PCDH15: variants seen among roughly 807,000 people sequenced by gnomAD.
PCDH15 encodes protocadherin related 15.
Under a neutral mutation model 178.5 loss-of-function variants are expected in PCDH15, and 129 were observed. The observed-to-expected ratio is 0.72, with a 90% confidence interval of 0.63 to 0.84. The LOEUF is 0.84. Ranked by LOEUF, PCDH15 falls within the 40% of genes least tolerant of loss-of-function variation. PCDH15 has a pLI of 0.00. For synonymous variants in PCDH15, 800 were observed against 732.0 expected (o/e 1.09, Z -1.50); for missense variants, 2,230 against 2,099.9 (o/e 1.06, Z -1.21).
At chr10:53,959,893 G>T in intron 22 of PCDH15, 49 bp from the exon 23 acceptor site, 1 of 1,331,088 alleles carries the variant, frequency 7.5e-7, no homozygotes, top group Non-Finnish European at 1.1e-6. Flanking sequence ...TAAGAACAGC[G>T]TAACAGCACA....
In PCDH15 at chr10:53,902,392, A is replaced by G. The variant is rs138693449; in HGVS notation, c.3501+851T>C. Among the ~76,000 whole-genome samples, 17 of 152,214 alleles carry G rather than the reference A, an allele frequency of 1.1e-4. No homozygotes were observed. In the East Asian group the frequency reaches 3.1e-3, roughly 28 times the overall value. ...AAAAGAAAGGCAATTACTCATGTGCAAAACTAGAAGCAATCAAAAGCTAGA... is the reference window on the plus strand; with the variant it reads ...AAAAGAAAGGCAATTACTCATGTGCGAAACTAGAAGCAATCAAAAGCTAGA... On this transcript the variant is annotated intron_variant, in intron 26 of 37. Transcript: ENST00000644397.
intron 2 of PCDH15, among the ~76,000 whole-genome samples, chr10:55,438,173 A>C (rs945533073): frequency 4.9e-4 from 70 of 143,750 alleles, no homozygotes; most frequent in African/African-American, 1.9e-3. Flanking sequence ...TTAAGAAAAA[A>C]ACAAAACAAA....
At chr10:54,932,543 T>C (rs2131854531) in intron 2 of PCDH15, among the ~76,000 whole-genome samples, 1 of 152,304 alleles carries the variant, frequency 6.6e-6, no homozygotes, top group South Asian at 2.1e-4. Flanking sequence ...TAGTGTCACC[T>C]AAGTTTATCA....
intron 13 of PCDH15, among the ~76,000 whole-genome samples, chr10:54,177,546 TG>T (rs1303186697): frequency 6.6e-6 from 1 of 151,894 alleles, no homozygotes; most frequent in Non-Finnish European, 1.5e-5. Context: ...GGGAAATCAC[TG>T]TATCTTCCTC....
intron 3 of PCDH15, among the ~76,000 whole-genome samples, chr10:54,829,740 T>A (rs1953191602): frequency 6.6e-6 from 1 of 152,094 alleles, no homozygotes; most frequent in Non-Finnish European, 1.5e-5. Context: ...ATGGACCACC[T>A]GGACAGTTGT....
At chr10:53,879,049 C>T (rs1254579308) in intron 26 of PCDH15, among the ~76,000 whole-genome samples, 1 of 152,096 alleles carries the variant, frequency 6.6e-6, no homozygotes, top group African/African-American at 2.4e-5. Context: ...GCATTTACTA[C>T]TGAGATCTTT....
At chr10:54,443,421 T>C (rs994359016) in intron 3 of PCDH15, among the ~76,000 whole-genome samples, 1 of 151,408 alleles carries the variant, frequency 6.6e-6, no homozygotes, top group Non-Finnish European at 1.5e-5. Flanking sequence ...TTAATAAACA[T>C]CTATGTGCCA....
chr10:53,890,405 C>T lies in PCDH15; in HGVS notation c.3501+12838G>A, dbSNP rs185376056. 2.5e-3 allele frequency among the ~76,000 whole-genome samples: 386 copies of T among 152,050 alleles called. 1 individual carries two copies. The highest frequency in any genetic ancestry group is 8.0e-3 in the African/African-American group (333 of 41,486). On this transcript the variant is annotated intron_variant, in intron 26 of 37. Transcript: ENST00000644397. ...GGTGCCACTGCATGTCCAGCCTGGG[C>T]GACAGAGTGAGACACTGTCTCAAAA...
At chr10:54,602,767 T>C (rs1217414637) in intron 2 of PCDH15, among the ~76,000 whole-genome samples, 4 of 152,158 alleles carry the variant, frequency 2.6e-5, no homozygotes, top group East Asian at 3.9e-4. Context: ...GTGTATCACA[T>C]TGAATGACTT....
intron 3 of PCDH15, among the ~76,000 whole-genome samples, chr10:54,512,796 T>C (rs552101364): frequency 6.6e-6 from 1 of 152,248 alleles, no homozygotes; most frequent in South Asian, 2.1e-4. Context: ...AATATTATAT[T>C]CTGTCTAATT....
At chr10:55,036,734 ATG>A (rs988292190) in intron 2 of PCDH15, among the ~76,000 whole-genome samples, 1 of 152,210 alleles carries the variant, frequency 6.6e-6, no homozygotes, top group African/African-American at 2.4e-5. Flanking sequence ...CTAGCTTTCT[ATG>A]TGTTTCTCAA....
At chr10:54,979,668 C>CA (rs57794335) in intron 2 of PCDH15, among the ~76,000 whole-genome samples, 24,337 of 108,144 alleles carry the variant, frequency 0.23, 2,681 homozygotes, top group East Asian at 0.43. Context: ...GACTGTGTCT[C>CA]AAAAAAAAAA....
chr10:54,968,310 T>C (rs1436737223), intron 2 of PCDH15, among the ~76,000 whole-genome samples: 1 of 152,178 alleles, frequency 6.6e-6, no homozygotes, highest in Non-Finnish European at 1.5e-5. Flanking sequence ...TTCCCTGCAG[T>C]TCTAACAGAT....
chr10:55,019,710 T>C (rs1840275603), intron 2 of PCDH15, among the ~76,000 whole-genome samples: 1 of 152,194 alleles, frequency 6.6e-6, no homozygotes, highest in African/African-American at 2.4e-5. Flanking sequence ...AATTTGTCAG[T>C]CTGAAAGTAG....
At chr10:54,830,594 G>T (rs184970602) in intron 3 of PCDH15, among the ~76,000 whole-genome samples, 2,329 of 149,122 alleles carry the variant, frequency 0.016, 26 homozygotes, top group Non-Finnish European at 0.023. Flanking sequence ...TGGGGTGGGG[G>T]TAGGGGGGAG....
intron 1 of PCDH15, among the ~76,000 whole-genome samples, chr10:54,763,757 T>TAC (rs1948176886): frequency 2.7e-5 from 4 of 147,622 alleles, no homozygotes; most frequent in African/African-American, 9.8e-5. Flanking sequence ...TATATAAATA[T>TAC]ATATATATAT....
chr10:54,588,130 CTTA>C (rs1415112445), intron 2 of PCDH15, among the ~76,000 whole-genome samples: 9 of 152,074 alleles, frequency 5.9e-5, no homozygotes, highest in Non-Finnish European at 8.8e-5. Context: ...TGGGTATTAA[CTTA>C]TTATCTGTTT....
chr10:54,979,993 A>G (rs2131903160), intron 2 of PCDH15, among the ~76,000 whole-genome samples: 1 of 152,316 alleles, frequency 6.6e-6, no homozygotes, highest in Middle Eastern at 3.4e-3. Flanking sequence ...ATTTTGTAGT[A>G]TATTTAACAT....
At chr10:55,314,793 A>G (rs577537213) in intron 1 of PCDH15, among the ~76,000 whole-genome samples, 8 of 152,166 alleles carry the variant, frequency 5.3e-5, no homozygotes, top group Non-Finnish European at 8.8e-5. Context: ...TTTGAAAATG[A>G]TTTACAGAGA....
Sources: allele counts gnomAD v4.1 joint callset (sites outside exome capture counted in the v4.1 genomes callset), GRCh38; gene constraint gnomAD v4.1.1; transcripts MANE v1.5; gene names NCBI Gene and HGNC (gene_info 2026-07-23, HGNC 2026-07-21).